Variants in SLC24A2 observed in about 807,000 individuals in gnomAD.
The protein encoded by SLC24A2 is sodium/potassium/calcium exchanger 2.
A neutral mutation model predicts 62.0 loss-of-function variants in SLC24A2; 36 were observed. The ratio of observed to expected loss-of-function variants is 0.58; its 90% CI spans 0.44 to 0.77. SLC24A2 has a LOEUF of 0.77. Ranked by LOEUF, SLC24A2 falls within the 30% of genes least tolerant of loss-of-function variation. SLC24A2 has a pLI of 0.00. For synonymous variants in SLC24A2, 358 were observed against 294.0 expected (o/e 1.22, Z -2.23); for missense variants, 846 against 817.9 (o/e 1.03, Z -0.42).
At chr9:19,915,862 T>C in the SLC24A2 span, among the ~76,000 whole-genome samples, 5 of 152,176 alleles carry the variant, frequency 3.3e-5, no homozygotes, top group African/African-American at 1.2e-4. Context: ...AATTTTCTTA[T>C]ATTCTCTGGG....
At chr9:19,897,794 G>A in the SLC24A2 span, among the ~76,000 whole-genome samples, 6 of 152,110 alleles carry the variant, frequency 3.9e-5, no homozygotes, top group Non-Finnish European at 8.8e-5. Flanking sequence ...ACAGCTACAA[G>A]GGACAAAAGG....
chr9:19,992,394 A>G, the SLC24A2 span, among the ~76,000 whole-genome samples: 2 of 152,176 alleles, frequency 1.3e-5, no homozygotes, highest in Non-Finnish European at 1.5e-5. Context: ...CAATTCTAAA[A>G]CTGATGGCTA....
At chr9:19,697,149 T>C (rs544554092) in intron 2 of SLC24A2, among the ~76,000 whole-genome samples, 112 of 152,300 alleles carry the variant, frequency 7.4e-4, no homozygotes, top group African/African-American at 2.6e-3. Context: ...AATTAATATA[T>C]TAAGAACCTA....
intron 4 of SLC24A2, among the ~76,000 whole-genome samples, chr9:19,614,758 G>T (rs1191733615): frequency 6.6e-6 from 1 of 151,918 alleles, no homozygotes; most frequent in African/African-American, 2.4e-5. Context: ...ACATGGAAAG[G>T]TCCTGAGACC....
intron 2 of SLC24A2, among the ~76,000 whole-genome samples, chr9:19,671,237 T>A (rs1219895090): frequency 6.6e-6 from 1 of 151,904 alleles, no homozygotes; most frequent in South Asian, 2.1e-4. Flanking sequence ...CAGTGTTTCA[T>A]AGTTTTCCTT....
chr9:19,767,599 A>C (rs1163515395), intron 2 of SLC24A2, among the ~76,000 whole-genome samples: 1 of 151,970 alleles, frequency 6.6e-6, no homozygotes, highest in East Asian at 1.9e-4. Context: ...GTGATGCCCC[A>C]CCCTGCTTCT....
the SLC24A2 span, among the ~76,000 whole-genome samples, chr9:19,996,745 C>CA: frequency 0.016 from 1,040 of 65,674 alleles, 19 homozygotes; most frequent in African/African-American, 0.033. Context: ...GACTCCGTCT[C>CA]AAAAAAAAAA....
the SLC24A2 span, among the ~76,000 whole-genome samples, chr9:19,912,844 G>A: frequency 1.3e-5 from 2 of 152,086 alleles, no homozygotes; most frequent in Non-Finnish European, 2.9e-5. Context: ...CCAAAATGAT[G>A]TTATGAAAGA....
chr9:20,162,461 C>T, the SLC24A2 span, among the ~76,000 whole-genome samples: 1 of 151,994 alleles, frequency 6.6e-6, no homozygotes, highest in African/African-American at 2.4e-5. Context: ...AGAACAATAA[C>T]AGGCTCTGAA....
chr9:19,789,053 C>T (rs1823267445), upstream of SLC24A2: 9 of 675,252 alleles, frequency 1.3e-5, no homozygotes, highest in Non-Finnish European at 1.6e-5. Context: ...GCTGTGAGCC[C>T]GGCGCTCCGA....
intron 2 of SLC24A2, among the ~76,000 whole-genome samples, chr9:19,762,689 C>T (rs193073014): frequency 1.3e-5 from 2 of 152,088 alleles, no homozygotes; most frequent in South Asian, 2.1e-4. Context: ...GGTACCAGTA[C>T]CAAGCTGTTT....
the SLC24A2 span, among the ~76,000 whole-genome samples, chr9:20,295,982 G>C: frequency 6.6e-6 from 1 of 152,174 alleles, no homozygotes. Context: ...GGGGAAATCA[G>C]ATATTGTTCT....
the SLC24A2 span, among the ~76,000 whole-genome samples, chr9:20,070,254 A>G: frequency 6.6e-6 from 1 of 152,168 alleles, no homozygotes; most frequent in Non-Finnish European, 1.5e-5. Flanking sequence ...TCAAGCCTCC[A>G]CACTGAAAAA....
At chr9:19,645,766 CTGA>C (rs1249799057) in intron 2 of SLC24A2, among the ~76,000 whole-genome samples, 24 of 152,230 alleles carry the variant, frequency 1.6e-4, no homozygotes, top group African/African-American at 5.5e-4. Context: ...AGACTTTGCA[CTGA>C]TGTTTGACTA....
At chr9:19,868,338 C>CT in the SLC24A2 span, among the ~76,000 whole-genome samples, 1 of 152,004 alleles carries the variant, frequency 6.6e-6, no homozygotes, top group African/African-American at 2.4e-5. Flanking sequence ...TGTGAACATA[C>CT]TTTTTATGAT....
chr9:20,278,658 A>G, the SLC24A2 span, among the ~76,000 whole-genome samples: 1 of 152,328 alleles, frequency 6.6e-6, no homozygotes, highest in Non-Finnish European at 1.5e-5. Flanking sequence ...GTCTCTAGGA[A>G]GTTCCAGACT....
chr9:19,529,128 A>T (rs1052268101), intron 8 of SLC24A2, among the ~76,000 whole-genome samples: 4 of 152,160 alleles, frequency 2.6e-5, no homozygotes, highest in Admixed American at 2.6e-4. Flanking sequence ...ATTATTGCCA[A>T]ACACTTTATT....
At chr9:19,769,015 T>C (rs773743974) in intron 2 of SLC24A2, among the ~76,000 whole-genome samples, 16 of 152,202 alleles carry the variant, frequency 1.1e-4, no homozygotes, top group Non-Finnish European at 1.9e-4. Flanking sequence ...TCTGAACTTG[T>C]ATTTCTAGTC....
chr9:20,187,126 C>A, the SLC24A2 span, among the ~76,000 whole-genome samples: 1 of 152,200 alleles, frequency 6.6e-6, no homozygotes, highest in African/African-American at 2.4e-5. Flanking sequence ...CCATCCCATC[C>A]CATCCATGCA....
Sources: gnomAD v4.1 joint callset for allele counts (sites outside exome capture counted in the v4.1 genomes callset) on GRCh38, gnomAD v4.1.1 for gene constraint, MANE v1.5 for transcripts, NCBI Gene and HGNC (gene_info 2026-07-23, HGNC 2026-07-21) for gene names.